The following PIP5K1B variants were observed in gnomAD, a reference collection of about 807,000 sequenced individuals.
PIP5K1B encodes phosphatidylinositol-4-phosphate 5-kinase type 1 beta, also known as phosphatidylinositol 4-phosphate 5-kinase type-1 beta.
In PIP5K1B, 42 loss-of-function variants were observed where a neutral mutation model predicts 67.0. That is an observed-to-expected ratio of 0.63 (90% confidence interval 0.49 to 0.81). PIP5K1B has a LOEUF of 0.81. Ranked by LOEUF, PIP5K1B falls within the 30% of genes least tolerant of loss-of-function variation. The pLI is 0.00. For synonymous variants in PIP5K1B, 214 were observed against 231.4 expected, an observed-to-expected ratio of 0.92 and a Z score of 0.68; for missense variants, 459 against 646.3, an observed-to-expected ratio of 0.71 and a Z score of 3.14.
rs1340735213 is a variant in PIP5K1B, at chr9:68,830,244, A to G, written c.69+7561A>G. ...AAATAATTCCGTTACACTTAGAAGC[A>G]TGTGTAATCATATCACGTTACCATG... On this transcript the variant is annotated intron_variant, in intron 4 of 15. Transcript: ENST00000265382. Among the ~76,000 whole-genome samples, 3 of 152,164 alleles carry G rather than the reference A, an allele frequency of 2.0e-5. No individual in the cohort carries two copies. In the South Asian group the frequency reaches 6.2e-4, roughly 31 times the overall value.
At chr9:68,979,253 C>T (rs1320322740) in intron 14 of PIP5K1B, among the ~76,000 whole-genome samples, 12 of 152,186 alleles carry the variant, frequency 7.9e-5, no homozygotes, top group African/African-American at 2.7e-4. Context: ...AGAGGTGAGA[C>T]AAGATAGTCT....
intron 14 of PIP5K1B, among the ~76,000 whole-genome samples, chr9:68,948,591 G>A (rs1827911613): frequency 6.6e-6 from 1 of 151,430 alleles, no homozygotes; most frequent in Non-Finnish European, 1.5e-5. Flanking sequence ...GTTTCAGTGA[G>A]CTGTGATCAT....
At chr9:68,921,241 A>G (rs1021720243) in intron 11 of PIP5K1B, among the ~76,000 whole-genome samples, 1 of 152,076 alleles carries the variant, frequency 6.6e-6, no homozygotes, top group Non-Finnish European at 1.5e-5. Context: ...CAGGATGATC[A>G]CTTGAGCCCA....
intron 13 of PIP5K1B, among the ~76,000 whole-genome samples, chr9:68,936,530 G>A (rs1564249840): frequency 6.6e-6 from 1 of 152,114 alleles, no homozygotes; most frequent in Non-Finnish European, 1.5e-5. Flanking sequence ...AGCATTTCCT[G>A]AAAATGTCTT....
intron 2 of PIP5K1B, chr9:68,780,131 G>A (rs1310560027): frequency 6.6e-7 from 1 of 1,506,850 alleles, no homozygotes; most frequent in East Asian, 2.3e-5. Flanking sequence ...CTAGGTCCCT[G>A]ACTGAGCACC....
At position 68,779,129 on chromosome 9, in the gene PIP5K1B, G is replaced by GAA. The variant is rs11398004; in HGVS notation, c.-86+36482_-86+36483dup. On this transcript the variant is annotated intron_variant, in intron 2 of 15. Transcript: ENST00000265382. ...GTGTTTGGCACATAGTAAGTATGCT[G>GAA]AAAAAAAAAAACCTTGACTGACTGA... is the stretch of plus-strand genomic sequence containing the variant. Among the ~76,000 whole-genome samples the GAA allele has an allele frequency of 4.7e-3, 672 of 144,392 alleles. 2 individuals are homozygous for GAA. Among genetic ancestry groups the GAA allele is most frequent in the Non-Finnish European group, 7.1e-3 (463 of 65,392 alleles). 94.7% of individuals were successfully genotyped at this position (144,392 alleles called of 152,430 possible).
At chr9:68,909,829 A>C (rs923120553) in intron 8 of PIP5K1B, among the ~76,000 whole-genome samples, 1 of 152,158 alleles carries the variant, frequency 6.6e-6, no homozygotes, top group Non-Finnish European at 1.5e-5. Flanking sequence ...GTTGATGACC[A>C]CTGATTAGAC....
intron 2 of PIP5K1B, among the ~76,000 whole-genome samples, chr9:68,776,075 G>T (rs971064359): frequency 1.3e-5 from 2 of 152,068 alleles, no homozygotes; most frequent in Non-Finnish European, 2.9e-5. Flanking sequence ...TTTCCTAAGT[G>T]GTTGTAACAG....
chr9:68,828,823 T>C (rs1301496514), intron 4 of PIP5K1B, among the ~76,000 whole-genome samples: 1 of 152,168 alleles, frequency 6.6e-6, no homozygotes, highest in African/African-American at 2.4e-5. Flanking sequence ...GCTCTATGGC[T>C]GGGCACGGTG....
At chr9:68,822,557 A>G in intron 3 of PIP5K1B, 58 bp from the exon 4 acceptor site, 1 of 1,186,416 alleles carries the variant, frequency 8.4e-7, no homozygotes, top group Non-Finnish European at 1.2e-6. Context: ...CAATATTATT[A>G]ATATATTGTA....
At position 68,916,811 on chromosome 9, in the gene PIP5K1B, G is replaced by A. The variant is rs143469309; in HGVS notation, c.772-737G>A. ...CGTTTGAACCCGGGAGGCAGAGGTT[G>A]CAGTGAGCTGAGATTGCGCTAGTGC... On this transcript the variant is annotated intron_variant, in intron 8 of 15. Transcript: ENST00000265382. Among the ~76,000 whole-genome samples, 603 of 152,090 alleles carry A rather than the reference G, an allele frequency of 4.0e-3. 2 individuals are homozygous for A. The highest frequency in any genetic ancestry group is 0.031 in the South Asian group (149 of 4,820).
intron 4 of PIP5K1B, among the ~76,000 whole-genome samples, chr9:68,852,252 ACT>A (rs765736991): frequency 1.3e-5 from 2 of 151,892 alleles, no homozygotes; most frequent in African/African-American, 2.4e-5. Context: ...AAAAAGAAAG[ACT>A]CTGTTTGCAA....
At chr9:68,797,105 A>G (rs1428545791) in intron 2 of PIP5K1B, among the ~76,000 whole-genome samples, 1 of 152,194 alleles carries the variant, frequency 6.6e-6, no homozygotes, top group South Asian at 2.1e-4. Flanking sequence ...CTTACTATGT[A>G]CCTGGCACTG....
chr9:68,866,536 G>C (rs1823363897), intron 5 of PIP5K1B, among the ~76,000 whole-genome samples: 1 of 151,988 alleles, frequency 6.6e-6, no homozygotes, highest in Admixed American at 6.6e-5. Context: ...GAAATAGAAA[G>C]GCTAAATAGA....
intron 15 of PIP5K1B, among the ~76,000 whole-genome samples, chr9:69,004,140 T>A (rs1338548646): frequency 2.0e-5 from 3 of 152,226 alleles, no homozygotes; most frequent in African/African-American, 7.2e-5. Flanking sequence ...CCTTTCTCTT[T>A]CTTATACCCC....
chr9:68,902,218 C>T (rs1587641607), intron 8 of PIP5K1B, among the ~76,000 whole-genome samples: 1 of 152,198 alleles, frequency 6.6e-6, no homozygotes, highest in East Asian at 1.9e-4. Context: ...CAGAACAGTT[C>T]TTTCTCAAAG....
In PIP5K1B at chr9:69,004,072, A is replaced by G. The variant is rs186701544; in HGVS notation, c.1621-4375A>G. On this transcript the variant is annotated intron_variant, in intron 15 of 15. Transcript: ENST00000265382. ...ATCTCTGACCCCTTGTGTACATACTATTGTGTAGTTTCAATCATAGAATCA... is the reference window on the plus strand; with the variant it reads ...ATCTCTGACCCCTTGTGTACATACTGTTGTGTAGTTTCAATCATAGAATCA... 1.0e-3 allele frequency among the ~76,000 whole-genome samples: 158 copies of G among 152,330 alleles called. 1 individual carries two copies. The highest frequency in any genetic ancestry group is 3.7e-3 in the African/African-American group (155 of 41,574).
At chr9:68,748,185 T>C (rs1038294066) in intron 2 of PIP5K1B, among the ~76,000 whole-genome samples, 4 of 152,340 alleles carry the variant, frequency 2.6e-5, no homozygotes, top group African/African-American at 9.6e-5. Context: ...CGTAATGTGT[T>C]AAGGTTCATC....
intron 4 of PIP5K1B, among the ~76,000 whole-genome samples, chr9:68,832,093 T>C (rs898411208): frequency 1.3e-5 from 2 of 152,250 alleles, no homozygotes; most frequent in African/African-American, 4.8e-5. Flanking sequence ...GAATAACTTT[T>C]TCTAGAAAGT....
Sources: gnomAD v4.1 joint callset for allele counts (sites outside exome capture counted in the v4.1 genomes callset) on GRCh38, gnomAD v4.1.1 for gene constraint, MANE v1.5 for transcripts, NCBI Gene and HGNC (gene_info 2026-07-23, HGNC 2026-07-21) for gene names.